The following ZFHX3 variants were observed in gnomAD, a reference collection of about 807,000 sequenced individuals.
ZFHX3 encodes the protein zinc finger homeobox 3.
A neutral mutation model predicts 279.1 loss-of-function variants in ZFHX3; 42 were observed. The ratio of observed to expected loss-of-function variants is 0.15; its 90% CI spans 0.12 to 0.19. ZFHX3 has a LOEUF of 0.19. Among genes scored for constraint, ZFHX3 ranks in the 10% least tolerant of loss-of-function variants. The probability of loss-of-function intolerance (pLI) is 1.00; values close to 1 mark genes in which losing one functional copy is unlikely to be tolerated. For missense variants in ZFHX3, 4,981 were observed against 4,754.0 expected (o/e 1.05, Z -1.40); for synonymous variants, 2,293 against 1,957.8 (o/e 1.17, Z -4.52).
chr16:73,648,594 T>G (rs908177815), intron 2 of ZFHX3, among the ~76,000 whole-genome samples: 2 of 152,116 alleles, frequency 1.3e-5, no homozygotes, highest in African/African-American at 4.8e-5. Flanking sequence ...GTTTTTTTAG[T>G]AGAGACTGGA....
chr16:73,512,913 C>T (rs1310980598), intron 2 of ZFHX3, among the ~76,000 whole-genome samples: 2 of 152,204 alleles, frequency 1.3e-5, no homozygotes, highest in African/African-American at 4.8e-5. Flanking sequence ...GTGAAGCAGG[C>T]AGGCACTAAC....
chr16:72,816,631 T>C (rs568932298), intron 5 of ZFHX3, among the ~76,000 whole-genome samples: 71 of 152,284 alleles, frequency 4.7e-4, no homozygotes, highest in Non-Finnish European at 7.6e-4. Flanking sequence ...GTCCCTGTTA[T>C]GGAGTTCAGA....
intron 8 of ZFHX3, among the ~76,000 whole-genome samples, chr16:73,070,938 GCACACACACACA>G (rs768410525): frequency 4.4e-5 from 1 of 22,612 alleles, no homozygotes; most frequent in African/African-American, 8.7e-5. Context: ...GCGCGCGCGC[GCACACACACACA>G]CACACACACA....
chr16:73,766,371 G>T (rs888373820), intron 1 of ZFHX3, among the ~76,000 whole-genome samples: 13 of 152,246 alleles, frequency 8.5e-5, no homozygotes, highest in African/African-American at 2.6e-4. Context: ...CAGGGTGACT[G>T]CCTATACATC....
chr16:73,414,772 G>T (rs1455794003), intron 3 of ZFHX3, among the ~76,000 whole-genome samples: 2 of 152,170 alleles, frequency 1.3e-5, no homozygotes, highest in South Asian at 2.1e-4. Flanking sequence ...GGAGGTTGAG[G>T]CTGCAGTGAG....
At position 72,957,447 on chromosome 16, in the gene ZFHX3, G is replaced by A. The variant is rs1303584175; in HGVS notation, c.2699C>T (p.Ala900Val). 1.9e-6 allele frequency: 3 copies of A among 1,610,954 alleles called. No individual in the cohort carries two copies. The highest frequency in any genetic ancestry group is 2.5e-6 in the Non-Finnish European group (3 of 1,178,224). ...GFQLDPAGPM[A>V]AMTPALVGGE... is the part of the protein sequence containing the mutation. ...CTCACCTAGAGCAGGCGTCATGGCG[G>A]CCATGGGCCCGGCGGGATCCAGCTG... Residue 900 changes from alanine (A) to valine (V), a missense_variant, in exon 2 of 10, where the codon GCC (alanine) becomes GTC (valine). Physicochemically the swap from Ala to Val is moderately conservative, Grantham distance 64 (BLOSUM62 0). This residue lies in a region of ZFHX3 where 1,751 missense variants were observed against 1,770.0 expected (regional missense o/e 0.99). Transcript: ENST00000268489.
chr16:73,417,310 G>A (rs2017608897), intron 3 of ZFHX3, among the ~76,000 whole-genome samples: 1 of 151,788 alleles, frequency 6.6e-6, no homozygotes, highest in Non-Finnish European at 1.5e-5. Flanking sequence ...CAGGACGTGA[G>A]TGAAAACACC....
chr16:73,637,538 T>A (rs2052538394), intron 2 of ZFHX3, among the ~76,000 whole-genome samples: 1 of 152,168 alleles, frequency 6.6e-6, no homozygotes, highest in Non-Finnish European at 1.5e-5. Flanking sequence ...CAGACTATTT[T>A]GTGTTTTAAA....
intron 1 of ZFHX3, among the ~76,000 whole-genome samples, chr16:72,996,743 G>A (rs1963309837): frequency 1.3e-5 from 2 of 152,240 alleles, no homozygotes; most frequent in African/African-American, 4.8e-5. Flanking sequence ...GCTGCTGGAT[G>A]CTAAGGACTG....
chr16:73,665,808 CTTTTTTTTT>C (rs527815602), intron 2 of ZFHX3, among the ~76,000 whole-genome samples: 1 of 90,512 alleles, frequency 1.1e-5, no homozygotes, highest in African/African-American at 4.7e-5. Context: ...TCTTCAATAA[CTTTTTTTTT>C]TTTTTTTTTT....
intron 1 of ZFHX3, among the ~76,000 whole-genome samples, chr16:73,714,407 T>C (rs757397355): frequency 3.9e-5 from 6 of 152,118 alleles, no homozygotes; most frequent in Non-Finnish European, 7.4e-5. Context: ...TCCATTTGCC[T>C]CAACTTCAGA....
intron 1 of ZFHX3, among the ~76,000 whole-genome samples, chr16:73,717,901 G>C (rs1365687294): frequency 6.6e-6 from 1 of 152,158 alleles, no homozygotes; most frequent in Non-Finnish European, 1.5e-5. Flanking sequence ...TGTGGCTCTG[G>C]TGTAAAGAGC....
Position 73,497,626 on chromosome 16 carries a change from C to T in ZFHX3, c.-1546-41368G>A, listed in dbSNP as rs897589294. ...TCGAGACTGTAGTGGACAATGTTCA[C>T]GCCACTGCACTCCAGCCTGGGCAAC... is the stretch of plus-strand genomic sequence containing the variant. On this transcript the variant is annotated intron_variant, in intron 2 of 17. Coordinates refer to the ZFHX3 transcript ENST00000641206. Among the ~76,000 whole-genome samples the T allele has an allele frequency of 3.2e-4, 48 of 151,970 alleles. 1 individual carries two copies. Among genetic ancestry groups the T allele is most frequent in the East Asian group, 3.9e-4 (2 of 5,182 alleles).
intron 2 of ZFHX3, chr16:73,483,238 C>G (rs1010139742): frequency 3.5e-5 from 13 of 372,500 alleles, no homozygotes; most frequent in Non-Finnish European, 6.2e-5. Flanking sequence ...CACGCCTGGC[C>G]CAGAGGTCCA....
At chr16:72,852,067 T>C (rs1446728186) in intron 4 of ZFHX3, among the ~76,000 whole-genome samples, 3 of 152,208 alleles carry the variant, frequency 2.0e-5, no homozygotes, top group Non-Finnish European at 4.4e-5. Flanking sequence ...GAACTACTTC[T>C]GTATGAAAGA....
chr16:73,263,430 C>T (rs2076646575), intron 4 of ZFHX3, among the ~76,000 whole-genome samples: 1 of 152,188 alleles, frequency 6.6e-6, no homozygotes, highest in African/African-American at 2.4e-5. Context: ...CTCAAGTGAT[C>T]CTCCTGCCTC....
chr16:72,892,845 C>T (rs1419781792), intron 3 of ZFHX3, among the ~76,000 whole-genome samples: 3 of 152,122 alleles, frequency 2.0e-5, no homozygotes, highest in Non-Finnish European at 2.9e-5. Context: ...AACCTCACTG[C>T]CTTCTCTGTG....
intron 2 of ZFHX3, among the ~76,000 whole-genome samples, chr16:73,553,963 C>G (rs1318908327): frequency 2.0e-5 from 3 of 152,230 alleles, no homozygotes; most frequent in Non-Finnish European, 2.9e-5. Flanking sequence ...TAAATGGCGG[C>G]TGCATTTCAC....
At chr16:73,812,005 G>A (rs1465008325) in intron 1 of ZFHX3, among the ~76,000 whole-genome samples, 1 of 152,198 alleles carries the variant, frequency 6.6e-6, no homozygotes, top group Non-Finnish European at 1.5e-5. Context: ...TAAGAAAACA[G>A]AGGCACGAAG....
Sources: allele counts gnomAD v4.1 joint callset (sites outside exome capture counted in the v4.1 genomes callset), GRCh38; gene constraint gnomAD v4.1.1; regional missense constraint gnomAD v4.1.1; transcripts MANE v1.5; gene names NCBI Gene and HGNC (gene_info 2026-07-23, HGNC 2026-07-21).